Variants in PLEKHM3 observed in about 807,000 individuals in gnomAD.
The protein encoded by PLEKHM3 is pleckstrin homology domain-containing family M member 3.
In PLEKHM3, 45 loss-of-function variants were observed where a neutral mutation model predicts 81.8. That is an observed-to-expected ratio of 0.55 (90% CI 0.43 to 0.71). The LOEUF is 0.71. Ranked by LOEUF, PLEKHM3 falls within the 30% of genes least tolerant of loss-of-function variation. PLEKHM3 has a pLI of 0.00. For missense variants in PLEKHM3, 788 were observed against 924.3 expected, an observed-to-expected ratio of 0.85 and a Z score of 1.91; for synonymous variants, 352 against 356.4, an observed-to-expected ratio of 0.99 and a Z score of 0.14.
At chr2:207,935,726 TTTTAGCATTG>T (rs1689728657) in intron 4 of PLEKHM3, among the ~76,000 whole-genome samples, 1 of 152,206 alleles carries the variant, frequency 6.6e-6, no homozygotes, top group Non-Finnish European at 1.5e-5. Context: ...GCTCTGTGCT[TTTTAGCATTG>T]TTTATATTCA....
chr2:207,944,429 T>C (rs1447160104), intron 4 of PLEKHM3, among the ~76,000 whole-genome samples: 1 of 152,192 alleles, frequency 6.6e-6, no homozygotes, highest in Non-Finnish European at 1.5e-5. Flanking sequence ...AACTTTCATA[T>C]GACAAGTAAT....
At chr2:207,975,832 A>C (rs1233449714) in intron 3 of PLEKHM3, among the ~76,000 whole-genome samples, 1 of 151,258 alleles carries the variant, frequency 6.6e-6, no homozygotes, top group East Asian at 1.9e-4. Context: ...CCTGACCTCA[A>C]GTAATCCACC....
At chr2:207,937,451 T>TC (rs1367969377) in intron 4 of PLEKHM3, among the ~76,000 whole-genome samples, 1 of 151,934 alleles carries the variant, frequency 6.6e-6, no homozygotes, top group African/African-American at 2.4e-5. Flanking sequence ...GCGCCTGTAG[T>TC]CCCAACTACT....
intron 2 of PLEKHM3, among the ~76,000 whole-genome samples, chr2:207,986,574 G>A (rs1464150888): frequency 6.6e-6 from 1 of 152,156 alleles, no homozygotes; most frequent in Non-Finnish European, 1.5e-5. Flanking sequence ...AGGGCACTAA[G>A]CTTTGTTGCA....
chr2:207,958,897 G>T (rs1258895526), intron 3 of PLEKHM3, among the ~76,000 whole-genome samples: 1 of 152,002 alleles, frequency 6.6e-6, no homozygotes, highest in Non-Finnish European at 1.5e-5. Context: ...GCAACAGAGT[G>T]AGTGAGACTC....
rs182160484 is a variant in PLEKHM3 at position 207,885,138 on chromosome 2, G to A, written c.1950+23376C>T. On this transcript the variant is annotated intron_variant, in intron 6 of 7. Transcript: ENST00000427836. ...GTCATATCCACTGAATCTACGGAGC[G>A]ATCCGGTGGCGTGGGAATGTTTTGG... is the stretch of plus-strand genomic sequence containing the variant. Among the ~76,000 whole-genome samples, 1,288 of 152,310 alleles carry A rather than the reference G, an allele frequency of 8.5e-3. 12 individuals are homozygous for A. Among genetic ancestry groups the A allele is most frequent in the Non-Finnish European group, 0.012 (809 of 68,040 alleles).
chr2:207,886,661 G>C (rs1238372705), intron 6 of PLEKHM3, among the ~76,000 whole-genome samples: 1 of 152,170 alleles, frequency 6.6e-6, no homozygotes, highest in Non-Finnish European at 1.5e-5. Context: ...AGGGGTTCCA[G>C]TCATACCAGC....
At chr2:207,966,044 GAAAGTCT>G (rs1314460792) in intron 3 of PLEKHM3, among the ~76,000 whole-genome samples, 1 of 152,210 alleles carries the variant, frequency 6.6e-6, no homozygotes, top group East Asian at 1.9e-4. Context: ...GAGTTGGAAG[GAAAGTCT>G]AAGACCTTTG....
rs570891870 is a variant in PLEKHM3 at position 207,968,709 on chromosome 2, A to C, written c.1546+7942T>G. On this transcript the variant is annotated intron_variant, in intron 3 of 7. Transcript: ENST00000427836. ...AACTTCACCTAAGGACTCTACTATA[A>C]GCAAGCCCTCCACAGTTATATTCAA... is the stretch of plus-strand genomic sequence containing the variant. 2.6e-4 allele frequency among the ~76,000 whole-genome samples: 40 copies of C among 152,328 alleles called. No homozygotes were observed. In the South Asian group the frequency reaches 7.5e-3, roughly 28 times the overall value.
chr2:207,842,225 C>T (rs6435393), intron 7 of PLEKHM3, among the ~76,000 whole-genome samples: 41,096 of 152,120 alleles, frequency 0.27, 5,689 homozygotes, highest in Non-Finnish European at 0.29. Context: ...TGAGCCACCG[C>T]GCCTGGCCCC....
intron 3 of PLEKHM3, among the ~76,000 whole-genome samples, chr2:207,952,708 C>G (rs951994843): frequency 2.6e-5 from 4 of 152,132 alleles, no homozygotes; most frequent in African/African-American, 9.7e-5. Context: ...GAAGTAGAGG[C>G]AAAGCAAACC....
chr2:208,020,146 C>T (rs775951645), intron 1 of PLEKHM3, among the ~76,000 whole-genome samples: 3 of 152,154 alleles, frequency 2.0e-5, no homozygotes, highest in Non-Finnish European at 2.9e-5. Flanking sequence ...TTCCCAGTTA[C>T]GTAAGTATTC....
At chr2:208,005,156 G>A (rs1692457471) in intron 1 of PLEKHM3, among the ~76,000 whole-genome samples, 1 of 152,158 alleles carries the variant, frequency 6.6e-6, no homozygotes, top group African/African-American at 2.4e-5. Context: ...TTATTACAAA[G>A]ATAATACACT....
intron 1 of PLEKHM3, among the ~76,000 whole-genome samples, chr2:208,013,685 CCACAGA>C (rs1692779434): frequency 6.6e-6 from 1 of 152,106 alleles, no homozygotes; most frequent in Admixed American, 6.6e-5. Context: ...TCTTTCTGAC[CCACAGA>C]CACATTCCTG....
At chr2:207,979,001 A>T (rs1457678538) in intron 2 of PLEKHM3, among the ~76,000 whole-genome samples, 2 of 152,190 alleles carry the variant, frequency 1.3e-5, no homozygotes, top group Non-Finnish European at 2.9e-5. Context: ...CAGAACATTG[A>T]ACATTGCCTT....
intron 3 of PLEKHM3, among the ~76,000 whole-genome samples, chr2:207,972,586 CAAAAAAAAA>C (rs35602924): frequency 1.7e-5 from 1 of 59,612 alleles, no homozygotes; most frequent in African/African-American, 5.7e-5. Context: ...GACTCCGTCT[CAAAAAAAAA>C]AAAAAAAAAA....
chr2:207,998,203 A>G (rs1366377159), intron 2 of PLEKHM3, among the ~76,000 whole-genome samples: 1 of 152,214 alleles, frequency 6.6e-6, no homozygotes, highest in Non-Finnish European at 1.5e-5. Context: ...TATCTCCTGG[A>G]TGACTAAAAG....
At chr2:207,893,400 A>C (rs1202849009) in intron 6 of PLEKHM3, among the ~76,000 whole-genome samples, 2 of 152,188 alleles carry the variant, frequency 1.3e-5, no homozygotes, top group African/African-American at 2.4e-5. Flanking sequence ...CAATTTGTTA[A>C]ATTATACACA....
Position 207,918,231 on chromosome 2 carries a change from C to A in PLEKHM3, c.1887-9654G>T, listed in dbSNP as rs900229216. On this transcript the variant is annotated intron_variant, in intron 5 of 7. Transcript: ENST00000427836. The stretch of plus-strand genomic sequence containing the variant: ...TGAAATGGTTAAGGATAATATAAAA[C>A]CACTTTCAGTGCCGGGCGTGGTGGC... Among the ~76,000 whole-genome samples the A allele has an allele frequency of 2.0e-5, 3 of 152,092 alleles. No homozygotes were observed. In the East Asian group the frequency reaches 5.8e-4, roughly 29 times the overall value.
Sources: allele counts gnomAD v4.1 joint callset (sites outside exome capture counted in the v4.1 genomes callset), GRCh38; gene constraint gnomAD v4.1.1; transcripts MANE v1.5; gene names NCBI Gene and HGNC (gene_info 2026-07-23, HGNC 2026-07-21).